The following IGFBP4 variants were observed in gnomAD, a reference collection of about 807,000 sequenced individuals.
IGFBP4 encodes the protein insulin-like growth factor-binding protein 4.
IGFBP4 carries 9 observed loss-of-function variants against 25.8 expected under a neutral mutation model. The observed-to-expected ratio is 0.35, with a 90% CI of 0.21 to 0.61. The LOEUF (loss-of-function observed/expected upper bound fraction) is 0.61, where lower values mean the gene tolerates loss of function less well. IGFBP4 is among the 20% of genes least tolerant of loss of function. IGFBP4 has a pLI of 0.77. For missense variants in IGFBP4, 315 were observed against 365.3 expected, an observed-to-expected ratio of 0.86 and a Z score of 1.12; for synonymous variants, 153 against 153.9, an observed-to-expected ratio of 0.99 and a Z score of 0.05.
chr17:40,456,351 G>C (rs532958582), intron 3 of IGFBP4, 98 bp from the exon 4 acceptor site: 62 of 1,299,102 alleles, frequency 4.8e-5, no homozygotes, highest in Non-Finnish European at 6.3e-5. Context: ...AGCAGCGACC[G>C]TCTGACTTGG....
Position 40,457,037 on chromosome 17 carries a change from G to A in IGFBP4, c.*454G>A, listed in dbSNP as rs1468919189. On this transcript the variant is annotated 3_prime_UTR_variant, in exon 4 of 4. Coordinates refer to ENST00000269593, the MANE Select transcript of IGFBP4 (RefSeq NM_001552.3). ...ATGTGGAGACACTCCTATAAGGAGAGTTCAAGCCTGTGGGAGTAGAAAAAT... is the reference window on the plus strand; with the variant it reads ...ATGTGGAGACACTCCTATAAGGAGAATTCAAGCCTGTGGGAGTAGAAAAAT... 8.3e-5 allele frequency: 13 copies of A among 157,070 alleles called. No individual in the cohort carries two copies. Among genetic ancestry groups the A allele is most frequent in the Non-Finnish European group, 2.8e-5 (2 of 71,318 alleles). 9.7% of individuals were successfully genotyped at this position (157,070 alleles called of 1,614,324 possible). A position where few individuals can be genotyped will look rare whatever the true frequency, so the allele number is the denominator to read the frequency against.
At chr17:40,444,883 AAACACACACACACACAC>A (rs2035632438) in intron 1 of IGFBP4, among the ~76,000 whole-genome samples, 2 of 105,456 alleles carry the variant, frequency 1.9e-5, no homozygotes. Context: ...AGAGAGAGAG[AAACACACACACACACAC>A]ACACACACAC....
intron 1 of IGFBP4, among the ~76,000 whole-genome samples, chr17:40,447,086 C>T (rs957836340): frequency 6.6e-6 from 1 of 152,238 alleles, no homozygotes; most frequent in East Asian, 1.9e-4. Context: ...TTTTTTCTGC[C>T]TTTTCCTTTT....
chr17:40,449,190 A>G (rs2035667745), intron 1 of IGFBP4, among the ~76,000 whole-genome samples: 1 of 152,218 alleles, frequency 6.6e-6, no homozygotes, highest in African/African-American at 2.4e-5. Flanking sequence ...ACCCAAGAGC[A>G]TAAGCCATGC....
Position 40,456,463 on chromosome 17 carries a change from G to A in IGFBP4, c.657G>A (p.Leu219=). 1 of 1,614,112 alleles carries A rather than the reference G, an allele frequency of 6.2e-7. No homozygotes were observed. Among genetic ancestry groups the A allele is most frequent in the Non-Finnish European group, 8.5e-7 (1 of 1,180,004 alleles). ...NFHPKQCHPA[L]DGQRGKCWCV... ...TCTCTTGGCAGTGTCACCCAGCTCTGGATGGGCAGCGTGGCAAGTGCTGGT... is the reference window on the plus strand; with the variant it reads ...TCTCTTGGCAGTGTCACCCAGCTCTAGATGGGCAGCGTGGCAAGTGCTGGT... Residue 219 remains leucine (L), a synonymous_variant, in exon 4 of 4, where the codon CTG becomes CTA. Transcript: ENST00000269593.
chr17:40,454,306 A>T (rs770351734), intron 3 of IGFBP4, among the ~76,000 whole-genome samples: 39 of 152,188 alleles, frequency 2.6e-4, no homozygotes, highest in Non-Finnish European at 4.0e-4. Flanking sequence ...ACAAGTTAAC[A>T]GCAGATCTTG....
chr17:40,455,964 T>G (rs10305308), intron 3 of IGFBP4, among the ~76,000 whole-genome samples: 1 of 152,226 alleles, frequency 6.6e-6, no homozygotes, highest in Admixed American at 6.5e-5. Context: ...ATTCTGACCT[T>G]GACCTCTGTC....
chr17:40,444,124 C>A, intron 1 of IGFBP4, 40 bp downstream of exon 1: 2 of 1,447,588 alleles, frequency 1.4e-6, no homozygotes, highest in Non-Finnish European at 1.9e-6. Context: ...CCTGAGTGCG[C>A]TCCCTTCCCA....
In IGFBP4 at chr17:40,456,637, G is replaced by A; in HGVS notation, c.*54G>A. The stretch of plus-strand genomic sequence containing the variant: ...TCCCCTGCTACTCCTGTGCTCTGGA[G>A]GCTGCAGAGCTGACCCAGAGTGGAG... On this transcript the variant is annotated 3_prime_UTR_variant, in exon 4 of 4. Coordinates refer to ENST00000269593, the MANE Select transcript of IGFBP4 (RefSeq NM_001552.3). 6.4e-7 allele frequency: 1 copy of A among 1,567,458 alleles called. No homozygotes were observed. The highest frequency in any genetic ancestry group is 1.8e-5 in the Admixed American group (1 of 54,494).
chr17:40,443,694 T>TGCGCCCA lies in IGFBP4; in HGVS notation c.-35_-29dup. 1 of 1,198,978 alleles carries TGCGCCCA rather than the reference T, an allele frequency of 8.3e-7. No individual in the cohort carries two copies. Among genetic ancestry groups the TGCGCCCA allele is most frequent in the Non-Finnish European group, 1.0e-6 (1 of 953,096 alleles). 74.3% of individuals were successfully genotyped at this position (1,198,978 alleles called of 1,614,324 possible). A position where few individuals can be genotyped will look rare whatever the true frequency, so the allele number is the denominator to read the frequency against. ...CGCCCGCGCGCCCGCGCTCCCCGCC[T>TGCGCCCA]GCGCCCAGCGCCCCGCGCCCGCGCC... On this transcript the variant is annotated 5_prime_UTR_variant, in exon 1 of 4. Transcript: ENST00000269593.
rs576450642 is a variant in IGFBP4 at position 40,453,347 on chromosome 17, T to C, written c.507+205T>C. ...CCAGAGAAAGCACTCATTCCCTTCC[T>C]TGGGATTCCTTTCCTGCCCATCAGT... On this transcript the variant is annotated intron_variant, in intron 2 of 3. Coordinates refer to ENST00000269593, the MANE Select transcript of IGFBP4 (RefSeq NM_001552.3). This position sits in a 1 kb window ranked among gnomAD's most constrained non-coding sequence, Gnocchi z 4.0. Among the ~76,000 whole-genome samples the C allele has an allele frequency of 6.6e-6, 1 of 152,310 alleles. No homozygotes were observed. Among genetic ancestry groups the C allele is most frequent in the African/African-American group, 2.4e-5 (1 of 41,568 alleles).
intron 1 of IGFBP4, among the ~76,000 whole-genome samples, chr17:40,448,655 T>A (rs1597674619): frequency 6.6e-6 from 1 of 152,120 alleles, no homozygotes. Context: ...GATGAGAAGG[T>A]TAACGTTATC....
At chr17:40,444,932 C>CAGAGAGAGAGAGAG (rs10603634) in intron 1 of IGFBP4, among the ~76,000 whole-genome samples, 30 of 75,360 alleles carry the variant, frequency 4.0e-4, no homozygotes, top group African/African-American at 7.7e-4. Context: ...CACACAGAGA[C>CAGAGAGAGAGAGAG]AGAGAGAGAG....
intron 3 of IGFBP4, among the ~76,000 whole-genome samples, chr17:40,455,188 T>C (rs893446018): frequency 6.6e-6 from 1 of 152,252 alleles, no homozygotes; most frequent in African/African-American, 2.4e-5. Context: ...TTCAATGTAC[T>C]GTCATCCACC....
intron 1 of IGFBP4, 79 bp downstream of exon 1, chr17:40,444,163 G>A: frequency 8.8e-7 from 1 of 1,132,924 alleles, no homozygotes. Flanking sequence ...CAGCCGCCCT[G>A]GAAGGCCCTT....
At chr17:40,449,264 A>C (rs2035667978) in intron 1 of IGFBP4, among the ~76,000 whole-genome samples, 1 of 152,172 alleles carries the variant, frequency 6.6e-6, no homozygotes, top group Non-Finnish European at 1.5e-5. Context: ...ATCCTCCTTA[A>C]TGGTAAACAT....
At chr17:40,444,106 A>G in intron 1 of IGFBP4, 22 bp downstream of exon 1, 2 of 1,509,610 alleles carry the variant, frequency 1.3e-6, no homozygotes, top group Non-Finnish European at 1.8e-6. Context: ...CTGGCCTCCC[A>G]ATTCCCTCCT....
chr17:40,443,954 T>C lies in IGFBP4; in HGVS notation c.219T>C (p.Arg73=). 2 of 1,531,196 alleles carry C rather than the reference T, an allele frequency of 1.3e-6. No individual in the cohort carries two copies. Among genetic ancestry groups the C allele is most frequent in the East Asian group, 2.5e-5 (1 of 40,604 alleles). 94.9% of individuals were successfully genotyped at this position (1,531,196 alleles called of 1,614,324 possible). The change falls in exon 1 of 4, where the codon CGT becomes CGC. Residue 73 remains arginine, a synonymous_variant. Coordinates refer to ENST00000269593, the MANE Select transcript of IGFBP4 (RefSeq NM_001552.3). ...TGCCCTGCGGGGTGTACACCCCCCG[T>C]TGCGGCTCGGGCCTGCGCTGCTACC... ...LGMPCGVYTP[R]CGSGLRCYPP...
chr17:40,446,160 C>G (rs1567799882), intron 1 of IGFBP4, among the ~76,000 whole-genome samples: 1 of 134,206 alleles, frequency 7.5e-6, no homozygotes, highest in Admixed American at 7.7e-5. Flanking sequence ...AGCCAGACCC[C>G]CGTCTCTACA....
Sources: allele counts gnomAD v4.1 joint callset (sites outside exome capture counted in the v4.1 genomes callset), GRCh38; gene constraint gnomAD v4.1.1; non-coding constraint Gnocchi (gnomAD v3.1); transcripts MANE v1.5; gene names NCBI Gene and HGNC (gene_info 2026-07-23, HGNC 2026-07-21).